The following SLIT2 variants were observed in gnomAD, a reference collection of about 807,000 sequenced individuals.
The protein encoded by SLIT2 is slit guidance ligand 2.
A neutral mutation model predicts 185.7 loss-of-function variants in SLIT2; 41 were observed. The ratio of observed to expected loss-of-function variants is 0.22; its 90% CI spans 0.17 to 0.29. The LOEUF is 0.29. Among genes scored for constraint, SLIT2 ranks in the 10% least tolerant of loss-of-function variants. The pLI, the probability that SLIT2 is intolerant of heterozygous loss-of-function variation, is 1.00. For synonymous variants in SLIT2, 693 were observed against 680.2 expected, an observed-to-expected ratio of 1.02 and a Z score of -0.29; for missense variants, 1,571 against 1,909.0, an observed-to-expected ratio of 0.82 and a Z score of 3.30.
chr4:20,594,293 A>G (rs7683294), intron 30 of SLIT2, among the ~76,000 whole-genome samples: 7,663 of 150,486 alleles, frequency 0.051, 292 homozygotes, highest in African/African-American at 0.11. Context: ...ATATGTGTGT[A>G]TATATATATA....
rs1306017041 is a variant in SLIT2, at chr4:20,463,467, A to G, written c.396-4285A>G. On this transcript the variant is annotated intron_variant, in intron 4 of 36. Coordinates refer to ENST00000504154, the MANE Select transcript of SLIT2 (RefSeq NM_004787.4). ...AACTGTGATATATATATATATATAT[A>G]TATATATATATATATATATATATAT... is the stretch of plus-strand genomic sequence containing the variant. 4.5e-4 allele frequency among the ~76,000 whole-genome samples: 38 copies of G among 83,600 alleles called. 2 individuals are homozygous for G. Among genetic ancestry groups the G allele is most frequent in the African/African-American group, 1.4e-3 (35 of 24,324 alleles). 54.8% of individuals were successfully genotyped at this position (83,600 alleles called of 152,430 possible). A position where few individuals can be genotyped will look rare whatever the true frequency, so the allele number is the denominator to read the frequency against.
intron 29 of SLIT2, among the ~76,000 whole-genome samples, chr4:20,574,786 CAAAAAAAAAAA>C (rs57022828): frequency 5.5e-4 from 47 of 86,154 alleles, no homozygotes; most frequent in African/African-American, 1.9e-3. Context: ...GACTCGCTTT[CAAAAAAAAAAA>C]AAAAAAAAAA....
rs1379138526 is a variant in SLIT2, at chr4:20,253,368, T to C, written c.-448T>C. 1.6e-5 allele frequency: 3 copies of C among 183,820 alleles called. No individual in the cohort carries two copies. Among genetic ancestry groups the C allele is most frequent in the African/African-American group, 7.1e-5 (3 of 42,540 alleles). 11.4% of individuals were successfully genotyped at this position (183,820 alleles called of 1,614,324 possible). ...TATTGAGATCCCCTCTTCTGTCTTG[T>C]ACCTTCGCCACTGGCATCGGATTTG... is the stretch of plus-strand genomic sequence containing the variant. On this transcript the variant is annotated 5_prime_UTR_variant, in exon 1 of 37. Coordinates refer to ENST00000504154, the MANE Select transcript of SLIT2 (RefSeq NM_004787.4).
chr4:20,325,872 G>T (rs1459890540), intron 4 of SLIT2, among the ~76,000 whole-genome samples: 2 of 152,024 alleles, frequency 1.3e-5, no homozygotes, highest in African/African-American at 4.8e-5. Flanking sequence ...TTTTATACAT[G>T]CAATGTGACC....
chr4:20,501,929 A>G (rs748517235), intron 9 of SLIT2, among the ~76,000 whole-genome samples: 4 of 152,234 alleles, frequency 2.6e-5, no homozygotes, highest in South Asian at 2.1e-4. Context: ...AACCATTTTC[A>G]TGAAGACTTT....
At position 20,419,667 on chromosome 4, in the gene SLIT2, CTGTGTGTGTGTGTG is replaced by C. The variant is rs55679047; in HGVS notation, c.396-48055_396-48042del. Among the ~76,000 whole-genome samples, 37 of 138,082 alleles carry C rather than the reference CTGTGTGTGTGTGTG, an allele frequency of 2.7e-4. No individual in the cohort carries two copies. The South Asian group carries it at 3.0e-3, about 11-fold the overall frequency. The allele number at this position is 138,082 out of a possible 152,430, so 90.6% of individuals were successfully genotyped here. A position where few individuals can be genotyped will look rare whatever the true frequency, so the allele number is the denominator to read the frequency against. ...GTTGCTGTTAAGGGTAAGTTTTAAG[CTGTGTGTGTGTGTG>C]TGTGTGTGTGTGTGTGTGTGTGTGT... On this transcript the variant is annotated intron_variant, in intron 4 of 36. Transcript: ENST00000504154.
At chr4:20,477,001 A>G (rs1158475735) in intron 5 of SLIT2, among the ~76,000 whole-genome samples, 1 of 152,122 alleles carries the variant, frequency 6.6e-6, no homozygotes, top group Non-Finnish European at 1.5e-5. Flanking sequence ...TGAGCTTCAG[A>G]ACTTTTTGCA....
chr4:20,512,283 G>T (rs1195284478), intron 11 of SLIT2, among the ~76,000 whole-genome samples: 1 of 152,104 alleles, frequency 6.6e-6, no homozygotes, highest in Non-Finnish European at 1.5e-5. Context: ...GGAACAACTT[G>T]CTGGCACTCT....
At chr4:20,413,667 G>A (rs1727429244) in intron 4 of SLIT2, among the ~76,000 whole-genome samples, 2 of 151,808 alleles carry the variant, frequency 1.3e-5, no homozygotes, top group South Asian at 2.1e-4. Context: ...CTAATATATT[G>A]ATCATTTTCT....
chr4:20,301,279 T>G (rs1314263095), intron 4 of SLIT2, among the ~76,000 whole-genome samples: 1 of 152,340 alleles, frequency 6.6e-6, no homozygotes, highest in African/African-American at 2.4e-5. Flanking sequence ...ATCTTTATTT[T>G]TATCTTAAAG....
chr4:20,392,354 A>T (rs1023542605), intron 4 of SLIT2: 1 of 152,106 alleles, frequency 6.6e-6, no homozygotes, highest in African/African-American at 2.4e-5. Flanking sequence ...GTACACCTGT[A>T]TAGGGTGCTT....
At chr4:20,307,744 T>G (rs1275351112) in intron 4 of SLIT2, among the ~76,000 whole-genome samples, 1 of 152,210 alleles carries the variant, frequency 6.6e-6, no homozygotes, top group Non-Finnish European at 1.5e-5. Context: ...TCTGTTCTTT[T>G]AAAATCCTAT....
Position 20,532,020 on chromosome 4 carries a change from C to A in SLIT2, c.1650C>A (p.Ala550=). Residue 550 remains alanine (A), a synonymous_variant, in exon 17 of 37, where the codon GCC becomes GCA. Coordinates refer to ENST00000504154, the MANE Select transcript of SLIT2 (RefSeq NM_004787.4). ...LNNNEFTVLE[A]TGIFKKLPQL... ...ATAATGAATTTACCGTGTTGGAAGCCACAGGAATCTTTAAGAAACTTCCTC... is the reference window on the plus strand; with the variant it reads ...ATAATGAATTTACCGTGTTGGAAGCAACAGGAATCTTTAAGAAACTTCCTC... 1 of 1,578,378 alleles carries A rather than the reference C, an allele frequency of 6.3e-7. No individual in the cohort carries two copies. Among genetic ancestry groups the A allele is most frequent in the Non-Finnish European group, 8.6e-7 (1 of 1,169,268 alleles).
In SLIT2 at chr4:20,606,219, T is replaced by C. The variant is rs138938474; in HGVS notation, c.3693-3794T>C. Among the ~76,000 whole-genome samples the C allele has an allele frequency of 4.0e-3, 611 of 152,226 alleles. 3 individuals carry two copies. Among genetic ancestry groups the C allele is most frequent in the African/African-American group, 0.014 (582 of 41,542 alleles). ...CTATCTTAAAAACCAAATTGGCCAG[T>C]CATGGTGGTTTACATCTGTAATCTC... On this transcript the variant is annotated intron_variant, in intron 33 of 36. Coordinates refer to ENST00000504154, the MANE Select transcript of SLIT2 (RefSeq NM_004787.4).
At chr4:20,560,671 T>G (rs1273900878) in intron 26 of SLIT2, among the ~76,000 whole-genome samples, 2 of 151,976 alleles carry the variant, frequency 1.3e-5, no homozygotes, top group Admixed American at 1.3e-4. Flanking sequence ...TCAGGAAGTT[T>G]TAGCTATGGA....
intron 28 of SLIT2, 44 bp downstream of exon 28, chr4:20,567,659 C>A (rs201282258): frequency 4.8e-5 from 67 of 1,394,842 alleles, no homozygotes; most frequent in Non-Finnish European, 6.6e-5. Flanking sequence ...AGTATTGGAG[C>A]AAAGATAACT....
At chr4:20,545,993 T>A (rs549941563) in intron 21 of SLIT2, 38 bp from the exon 22 acceptor site, 14 of 1,194,822 alleles carry the variant, frequency 1.2e-5, no homozygotes, top group Non-Finnish European at 1.6e-5. Flanking sequence ...AGGCCACCAT[T>A]ACTTTGTAAG....
chr4:20,472,330 A>ATAGATATC (rs1391287191), intron 5 of SLIT2, among the ~76,000 whole-genome samples: 6 of 87,536 alleles, frequency 6.9e-5, no homozygotes, highest in African/African-American at 1.4e-4. Flanking sequence ...ATATATCTAT[A>ATAGATATC]TATAGATCTA....
At chr4:20,481,304 A>G (rs1409532204) in intron 6 of SLIT2, among the ~76,000 whole-genome samples, 1 of 152,184 alleles carries the variant, frequency 6.6e-6, no homozygotes, top group Non-Finnish European at 1.5e-5. Context: ...TTTGTAATGT[A>G]CAACACGCAG....
Sources: allele counts gnomAD v4.1 joint callset (sites outside exome capture counted in the v4.1 genomes callset), GRCh38; gene constraint gnomAD v4.1.1; transcripts MANE v1.5; gene names NCBI Gene and HGNC (gene_info 2026-07-23, HGNC 2026-07-21).